The following RAB38 variants were observed in gnomAD, a reference collection of about 807,000 sequenced individuals.
RAB38 encodes the protein ras-related protein Rab-38.
RAB38 carries 15 observed loss-of-function variants against 18.4 expected under a neutral mutation model. The ratio of observed to expected loss-of-function variants is 0.82; its 90% CI spans 0.55 to 1.26. The LOEUF (loss-of-function observed/expected upper bound fraction) is 1.26, where lower values mean the gene tolerates loss of function less well. Among genes scored for constraint, RAB38 ranks in the 50% most tolerant of loss-of-function variants. The pLI is 0.00. For synonymous variants in RAB38, 101 were observed against 104.4 expected (o/e 0.97, Z 0.20); for missense variants, 294 against 267.4 (o/e 1.10, Z -0.69).
intron 1 of RAB38, among the ~76,000 whole-genome samples, chr11:88,161,832 G>T (rs35859533): frequency 0.034 from 5,114 of 152,092 alleles, 94 homozygotes; most frequent in Non-Finnish European, 0.051. Context: ...ATTTTCTTAA[G>T]AAATACTACC....
At chr11:87,891,610 C>T in the RAB38 span, among the ~76,000 whole-genome samples, 6 of 151,702 alleles carry the variant, frequency 4.0e-5, no homozygotes, top group African/African-American at 9.7e-5. Flanking sequence ...ACTATGAGTT[C>T]GAAACATTTT....
At chr11:88,031,917 G>A in the RAB38 span, among the ~76,000 whole-genome samples, 16 of 151,414 alleles carry the variant, frequency 1.1e-4, no homozygotes, top group East Asian at 1.9e-4. Context: ...AGCCCGCATC[G>A]CCAAGTCAAT....
the RAB38 span, among the ~76,000 whole-genome samples, chr11:88,029,821 C>T: frequency 1.5e-4 from 23 of 152,176 alleles, no homozygotes; most frequent in Non-Finnish European, 2.2e-4. Flanking sequence ...GACAGATCAA[C>T]GAGACAGAAA....
At chr11:88,146,800 C>T (rs1182723177) in intron 2 of RAB38, among the ~76,000 whole-genome samples, 3 of 152,170 alleles carry the variant, frequency 2.0e-5, no homozygotes, top group South Asian at 2.1e-4. Flanking sequence ...AGATGTTGAA[C>T]GTGCCTTCTG....
At chr11:88,151,008 C>T (rs1438154472) in intron 1 of RAB38, among the ~76,000 whole-genome samples, 2 of 152,158 alleles carry the variant, frequency 1.3e-5, no homozygotes, top group Non-Finnish European at 2.9e-5. Flanking sequence ...AGCTCTCCTA[C>T]AGCAAAACAC....
chr11:88,066,460 G>A, the RAB38 span, among the ~76,000 whole-genome samples: 29 of 152,182 alleles, frequency 1.9e-4, no homozygotes, highest in African/African-American at 6.7e-4. Flanking sequence ...ATAATGTAAA[G>A]ATAATATAAA....
the RAB38 span, among the ~76,000 whole-genome samples, chr11:87,864,284 AACTAT>A: frequency 4.0e-5 from 6 of 151,102 alleles, no homozygotes; most frequent in Non-Finnish European, 7.4e-5. Context: ...ATAATTAATA[AACTAT>A]ACTATACTAT....
the RAB38 span, among the ~76,000 whole-genome samples, chr11:88,078,501 A>ATATGTGTGTG: frequency 2.4e-3 from 351 of 148,772 alleles, 2 homozygotes; most frequent in Non-Finnish European, 2.9e-3. Context: ...GTGTGTATAT[A>ATATGTGTGTG]TGTGTGTGTG....
At chr11:88,155,997 A>G (rs185968961) in intron 1 of RAB38, among the ~76,000 whole-genome samples, 61 of 152,356 alleles carry the variant, frequency 4.0e-4, no homozygotes, top group African/African-American at 1.3e-3. Context: ...TATTTTTTAA[A>G]TGAAGAAAGT....
At chr11:87,868,604 AG>A in the RAB38 span, among the ~76,000 whole-genome samples, 38 of 76,158 alleles carry the variant, frequency 5.0e-4, 1 homozygote, top group East Asian at 5.9e-3. Context: ...AGAGAGAGAG[AG>A]AGAGAGAGAG....
chr11:87,880,189 A>C, the RAB38 span: 1 of 151,830 alleles, frequency 6.6e-6, no homozygotes, highest in African/African-American at 2.4e-5. Flanking sequence ...AAAGTGTAAC[A>C]TTGAGACAAT....
the RAB38 span, among the ~76,000 whole-genome samples, chr11:87,953,413 T>C: frequency 6.6e-6 from 1 of 152,098 alleles, no homozygotes; most frequent in East Asian, 1.9e-4. Context: ...AGTACAGTAG[T>C]CCCCCCTTAC....
At chr11:88,005,970 A>G in the RAB38 span, among the ~76,000 whole-genome samples, 1 of 151,442 alleles carries the variant, frequency 6.6e-6, no homozygotes, top group African/African-American at 2.4e-5. Context: ...TTCTGTTTCT[A>G]TGACAGAGCC....
chr11:87,868,794 G>A, the RAB38 span, among the ~76,000 whole-genome samples: 1 of 151,694 alleles, frequency 6.6e-6, no homozygotes, highest in African/African-American at 2.4e-5. Flanking sequence ...CTTCTGGCTG[G>A]TGTACCATCC....
chr11:87,840,495 G>T, the RAB38 span, among the ~76,000 whole-genome samples: 1 of 152,146 alleles, frequency 6.6e-6, no homozygotes, highest in Non-Finnish European at 1.5e-5. Context: ...TTCATCCAGG[G>T]TAACACAGGT....
intron 1 of RAB38, among the ~76,000 whole-genome samples, chr11:88,159,354 A>T (rs967696652): frequency 3.9e-4 from 59 of 151,072 alleles, no homozygotes; most frequent in Admixed American, 9.3e-4. Flanking sequence ...AAAGAAAAAA[A>T]CATTCCAAGC....
chr11:87,940,402 C>A, the RAB38 span, among the ~76,000 whole-genome samples: 1 of 151,958 alleles, frequency 6.6e-6, no homozygotes, highest in Non-Finnish European at 1.5e-5. Flanking sequence ...ATATCTGTTA[C>A]TAAAATGATC....
At chr11:88,051,915 G>A in the RAB38 span, among the ~76,000 whole-genome samples, 2 of 152,142 alleles carry the variant, frequency 1.3e-5, no homozygotes, top group Non-Finnish European at 2.9e-5. Flanking sequence ...CCTGAGGTCA[G>A]GAGTTTGAGA....
chr11:87,948,155 C>G, the RAB38 span, among the ~76,000 whole-genome samples: 1 of 152,094 alleles, frequency 6.6e-6, no homozygotes, highest in African/African-American at 2.4e-5. Flanking sequence ...CTCTTTGAAG[C>G]AATTGTGAAT....
Sources: gnomAD v4.1 joint callset for allele counts (sites outside exome capture counted in the v4.1 genomes callset) on GRCh38, gnomAD v4.1.1 for gene constraint, MANE v1.5 for transcripts, NCBI Gene and HGNC (gene_info 2026-07-23, HGNC 2026-07-21) for gene names.